Variants in NELL1 observed in about 807,000 individuals in gnomAD.
NELL1 encodes neural EGFL like 1.
A neutral mutation model predicts 107.4 loss-of-function variants in NELL1; 76 were observed. That is an observed-to-expected ratio of 0.71 (90% CI 0.59 to 0.86). The LOEUF (loss-of-function observed/expected upper bound fraction) is 0.86. Among genes scored for constraint, NELL1 ranks in the 40% least tolerant of loss-of-function variants. NELL1 has a pLI of 0.00. For synonymous variants in NELL1, 353 were observed against 341.2 expected (o/e 1.03, Z -0.38); for missense variants, 1,024 against 1,005.5 (o/e 1.02, Z -0.25).
At chr11:21,241,625 T>G (rs10766778) in intron 14 of NELL1, among the ~76,000 whole-genome samples, 106,897 of 151,966 alleles carry the variant, frequency 0.7, 39,658 homozygotes, top group East Asian at 0.99. Context: ...TTGGGGGTAG[T>G]GCTAACTGTA....
chr11:21,242,283 T>G (rs1387361940), intron 14 of NELL1, among the ~76,000 whole-genome samples: 1 of 152,106 alleles, frequency 6.6e-6, no homozygotes, highest in African/African-American at 2.4e-5. Context: ...ACTTTCTATC[T>G]TGTGTCTCTA....
intron 14 of NELL1, among the ~76,000 whole-genome samples, chr11:21,243,445 T>C (rs1858414173): frequency 1.3e-5 from 2 of 152,138 alleles, no homozygotes; most frequent in Admixed American, 6.6e-5. Flanking sequence ...GGGCAAACTC[T>C]GTTTTACAGA....
At chr11:21,413,292 C>T (rs76741205) in intron 15 of NELL1, among the ~76,000 whole-genome samples, 507 of 151,912 alleles carry the variant, frequency 3.3e-3, no homozygotes, top group Non-Finnish European at 5.2e-3. Flanking sequence ...CAATCTGGAC[C>T]TCCTCTTATG....
At chr11:21,138,643 A>G (rs993268340) in intron 13 of NELL1, among the ~76,000 whole-genome samples, 1 of 152,246 alleles carries the variant, frequency 6.6e-6, no homozygotes, top group Non-Finnish European at 1.5e-5. Context: ...TATGAAATCC[A>G]ACTGTGAATA....
At chr11:21,119,616 C>T (rs750367239) in intron 13 of NELL1, among the ~76,000 whole-genome samples, 21 of 152,034 alleles carry the variant, frequency 1.4e-4, no homozygotes, top group Non-Finnish European at 3.1e-4. Flanking sequence ...GCCTTTGACC[C>T]TTGGGGGAGT....
chr11:21,133,095 G>A (rs939445952), intron 13 of NELL1, among the ~76,000 whole-genome samples: 7 of 152,126 alleles, frequency 4.6e-5, no homozygotes, highest in Non-Finnish European at 8.8e-5. Context: ...CCTTTCCACA[G>A]TCAGGTCATC....
At chr11:21,188,675 G>A (rs1856984956) in intron 13 of NELL1, among the ~76,000 whole-genome samples, 1 of 151,836 alleles carries the variant, frequency 6.6e-6, no homozygotes, top group Non-Finnish European at 1.5e-5. Context: ...AGTGGATAAA[G>A]AACAGATGTG....
At chr11:21,107,801 C>A (rs1002227466) in intron 12 of NELL1, among the ~76,000 whole-genome samples, 1 of 152,108 alleles carries the variant, frequency 6.6e-6, no homozygotes, top group African/African-American at 2.4e-5. Context: ...TGGTCCAACT[C>A]CCTGAATGTA....
rs1006698145 is a variant in NELL1, at chr11:21,542,692, G to T, written c.1786+8178G>T. Among the ~76,000 whole-genome samples the T allele has an allele frequency of 5.9e-5, 9 of 152,068 alleles. No individual in the cohort carries two copies. The South Asian group carries it at 6.2e-4, about 11-fold the overall frequency. On this transcript the variant is annotated intron_variant, in intron 16 of 19. Coordinates refer to ENST00000357134, the MANE Select transcript of NELL1 (RefSeq NM_006157.5). ...TCCAGAGAAGAAAAAGGAAAGAAAG[G>T]GTGGGTGATAAAGAGAATGAGAAAA...
intron 13 of NELL1, among the ~76,000 whole-genome samples, chr11:21,228,284 C>T (rs1857945428): frequency 6.6e-6 from 1 of 152,150 alleles, no homozygotes; most frequent in Non-Finnish European, 1.5e-5. Context: ...TAGTTTCTAA[C>T]TTGGAATCTT....
intron 13 of NELL1, among the ~76,000 whole-genome samples, chr11:21,123,200 T>C (rs1855409834): frequency 6.6e-6 from 1 of 152,204 alleles, no homozygotes. Context: ...TCATAAAATA[T>C]ACCTTAGAAA....
At chr11:21,022,989 T>C (rs888725362) in intron 12 of NELL1, among the ~76,000 whole-genome samples, 4 of 152,010 alleles carry the variant, frequency 2.6e-5, no homozygotes, top group South Asian at 2.1e-4. Context: ...AACTGAGGAC[T>C]AGGGTGATAT....
intron 12 of NELL1, among the ~76,000 whole-genome samples, chr11:21,039,815 T>C (rs1470585074): frequency 2.0e-5 from 3 of 152,142 alleles, no homozygotes; most frequent in Non-Finnish European, 4.4e-5. Context: ...TTTGAGGTCA[T>C]TCTGGAGCTG....
intron 12 of NELL1, among the ~76,000 whole-genome samples, chr11:21,001,337 C>T (rs1852215358): frequency 6.6e-6 from 1 of 152,150 alleles, no homozygotes; most frequent in Non-Finnish European, 1.5e-5. Flanking sequence ...GAGGTGGATT[C>T]TGTCTTCCGC....
At chr11:21,082,610 A>C (rs1854294736) in intron 12 of NELL1, among the ~76,000 whole-genome samples, 1 of 152,166 alleles carries the variant, frequency 6.6e-6, no homozygotes, top group Non-Finnish European at 1.5e-5. Context: ...TCTTCCCAAC[A>C]AAGGCCAGAT....
chr11:21,099,763 A>G (rs998760589), intron 12 of NELL1, among the ~76,000 whole-genome samples: 3 of 152,124 alleles, frequency 2.0e-5, no homozygotes, highest in African/African-American at 2.4e-5. Context: ...CATTTGAACT[A>G]TTTGTCACAT....
chr11:20,692,263 G>T lies in NELL1; in HGVS notation c.184+14203G>T, dbSNP rs571590215. 8.0e-5 allele frequency among the ~76,000 whole-genome samples: 12 copies of T among 149,758 alleles called. No homozygotes were observed. In the South Asian group the frequency reaches 8.4e-4, roughly 11 times the overall value. ...CCTGGATTCATTAATTTTTTGAAGG[G>T]TTTTTTTTTGTCTCTATTTCCTTCA... On this transcript the variant is annotated intron_variant, in intron 2 of 19. Coordinates refer to ENST00000357134, the MANE Select transcript of NELL1 (RefSeq NM_006157.5).
intron 13 of NELL1, among the ~76,000 whole-genome samples, chr11:21,134,649 C>T (rs917756673): frequency 1.3e-5 from 2 of 152,178 alleles, no homozygotes; most frequent in South Asian, 4.2e-4. Flanking sequence ...AATCCCTGTC[C>T]TTTGTGCTTG....
At chr11:21,237,654 T>C (rs1858244942) in intron 14 of NELL1, among the ~76,000 whole-genome samples, 1 of 152,070 alleles carries the variant, frequency 6.6e-6, no homozygotes, top group African/African-American at 2.4e-5. Context: ...GTTATCTAAC[T>C]GGAAAAAGAC....
Sources: gnomAD v4.1 joint callset for allele counts (sites outside exome capture counted in the v4.1 genomes callset) on GRCh38, gnomAD v4.1.1 for gene constraint, MANE v1.5 for transcripts, NCBI Gene and HGNC (gene_info 2026-07-23, HGNC 2026-07-21) for gene names.